The following EPCIP variants were observed in gnomAD, a reference collection of about 807,000 sequenced individuals.
EPCIP encodes exosomal polycystin-1-interacting protein.
At chr21:32,793,752 A>C in the EPCIP span, 1 of 1,613,430 alleles carries the variant, frequency 6.2e-7, no homozygotes, top group Non-Finnish European at 8.5e-7. Flanking sequence ...AGCTGGACAC[A>C]GTTATTATGC....
the EPCIP span, among the ~76,000 whole-genome samples, chr21:32,792,558 GA>G: frequency 6.6e-6 from 1 of 152,174 alleles, no homozygotes; most frequent in Non-Finnish European, 1.5e-5. Context: ...AGATGAAAAT[GA>G]GAAGAGAAAT....
chr21:32,809,281 T>TTTCTTTCC, the EPCIP span, among the ~76,000 whole-genome samples: 1 of 27,406 alleles, frequency 3.6e-5, no homozygotes, highest in African/African-American at 9.3e-5. Flanking sequence ...CCCTCCTTCC[T>TTTCTTTCC]TTCTTTCTTT....
the EPCIP span, among the ~76,000 whole-genome samples, chr21:32,793,062 C>T: frequency 2.0e-5 from 3 of 152,006 alleles, no homozygotes; most frequent in African/African-American, 2.4e-5. Flanking sequence ...CAGGTTCAAG[C>T]GATTCTCCTG....
the EPCIP span, among the ~76,000 whole-genome samples, chr21:32,805,848 C>G: frequency 6.6e-6 from 1 of 152,132 alleles, no homozygotes; most frequent in East Asian, 1.9e-4. Context: ...TAACTAGTCT[C>G]CTGAAATACC....
chr21:32,802,851 G>A, the EPCIP span, among the ~76,000 whole-genome samples: 1 of 152,072 alleles, frequency 6.6e-6, no homozygotes, highest in Admixed American at 6.5e-5. Flanking sequence ...GCGCGATCTC[G>A]GCTCACTGCA....
chr21:32,796,900 C>T, the EPCIP span: 4 of 460,816 alleles, frequency 8.7e-6, no homozygotes. Flanking sequence ...ATTCATCAGC[C>T]CGAACCTAGT....
chr21:32,794,059 A>G, the EPCIP span: 1 of 1,614,158 alleles, frequency 6.2e-7, no homozygotes, highest in Non-Finnish European at 8.5e-7. Flanking sequence ...GCCTCTTCAG[A>G]CCACAAATAG....
At chr21:32,799,099 A>G in the EPCIP span, 1 of 152,244 alleles carries the variant, frequency 6.6e-6, no homozygotes, top group Non-Finnish European at 1.5e-5. Flanking sequence ...GCCCCACTGC[A>G]AAGAGTGGAC....
At chr21:32,803,207 A>C in the EPCIP span, among the ~76,000 whole-genome samples, 1 of 152,226 alleles carries the variant, frequency 6.6e-6, no homozygotes, top group Non-Finnish European at 1.5e-5. Context: ...ACCCGCTCAC[A>C]GATTGGTATC....
At chr21:32,802,169 C>T in the EPCIP span, among the ~76,000 whole-genome samples, 1 of 152,094 alleles carries the variant, frequency 6.6e-6, no homozygotes, top group Non-Finnish European at 1.5e-5. Context: ...ATCACCCCAT[C>T]AATAAATGAT....
the EPCIP span, among the ~76,000 whole-genome samples, chr21:32,811,963 C>T: frequency 1.3e-5 from 2 of 152,188 alleles, no homozygotes; most frequent in Non-Finnish European, 2.9e-5. Context: ...AGCAAGAATG[C>T]CCTTGCCAGA....
the EPCIP span, chr21:32,794,508 A>G: frequency 5.6e-6 from 7 of 1,248,938 alleles, no homozygotes; most frequent in East Asian, 2.4e-5. Context: ...AGGCAGCTTT[A>G]TCACAACCTT....
chr21:32,809,334 TTCTTTCTTTCC>T, the EPCIP span, among the ~76,000 whole-genome samples: 200 of 145,214 alleles, frequency 1.4e-3, 1 homozygote, highest in African/African-American at 5.1e-3. Flanking sequence ...CTTTCTTTCT[TTCTTTCTTTCC>T]TCTTTCTTTC....
chr21:32,810,428 T>TTTA, the EPCIP span: 1 of 318,258 alleles, frequency 3.1e-6, no homozygotes, highest in Non-Finnish European at 6.2e-6. Context: ...GTAATTTTTT[T>TTTA]TTTTTTTTTT....
At chr21:32,792,626 G>A in the EPCIP span, among the ~76,000 whole-genome samples, 1 of 152,202 alleles carries the variant, frequency 6.6e-6, no homozygotes, top group African/African-American at 2.4e-5. Context: ...AAAAGGAAAA[G>A]AATGTGAAAG....
chr21:32,794,345 C>T, the EPCIP span: 1 of 1,614,198 alleles, frequency 6.2e-7, no homozygotes, highest in Non-Finnish European at 8.5e-7. Context: ...GTTCTTCTGA[C>T]CTTTGGTGAA....
chr21:32,792,706 T>G, the EPCIP span, among the ~76,000 whole-genome samples: 1 of 152,172 alleles, frequency 6.6e-6, no homozygotes, highest in African/African-American at 2.4e-5. Flanking sequence ...GATGCAAATG[T>G]GTTTTGTGTC....
At chr21:32,793,972 G>T in the EPCIP span, 1 of 1,614,134 alleles carries the variant, frequency 6.2e-7, no homozygotes, top group Non-Finnish European at 8.5e-7. Flanking sequence ...GCTTCTCTCT[G>T]GAGTCACTGT....
At chr21:32,810,232 G>T in the EPCIP span, among the ~76,000 whole-genome samples, 18 of 141,486 alleles carry the variant, frequency 1.3e-4, no homozygotes, top group Admixed American at 1.3e-3. Flanking sequence ...TCAGTCTTTT[G>T]GCTGGCATTT....
Sources: gnomAD v4.1 joint callset for allele counts (sites outside exome capture counted in the v4.1 genomes callset) on GRCh38, gnomAD v4.1.1 for gene constraint, MANE v1.5 for transcripts, NCBI Gene and HGNC (gene_info 2026-07-23, HGNC 2026-07-21) for gene names.